Variants in ENTPD6 observed in about 807,000 individuals in gnomAD.
ENTPD6 encodes CD39 antigen-like 2.
A neutral mutation model predicts 61.5 loss-of-function variants in ENTPD6; 46 were observed. The observed-to-expected ratio is 0.75, with a 90% confidence interval of 0.59 to 0.96. ENTPD6 has a LOEUF of 0.96. Ranked by LOEUF, ENTPD6 falls within the 40% of genes least tolerant of loss-of-function variation. The probability of loss-of-function intolerance (pLI) is 0.00; values close to 1 mark genes in which losing one functional copy is unlikely to be tolerated. For synonymous variants in ENTPD6, 252 were observed against 255.5 expected, an observed-to-expected ratio of 0.99 and a Z score of 0.13; for missense variants, 612 against 629.0, an observed-to-expected ratio of 0.97 and a Z score of 0.29.
intron 13 of ENTPD6, 199 bp from the exon 14 acceptor site, chr20:25,225,006 A>T: frequency 1.4e-6 from 1 of 715,256 alleles, no homozygotes; most frequent in East Asian, 2.8e-5. Flanking sequence ...TGGAGCCCAG[A>T]CCCAGTGGCA....
In ENTPD6 at chr20:25,224,054, G is replaced by A. The variant is rs375017696; in HGVS notation, c.1187-47G>A. 2.1e-4 allele frequency: 328 copies of A among 1,582,150 alleles called. 1 individual carries two copies. The Middle Eastern group carries it at 9.3e-3, about 45-fold the overall frequency. On this transcript the variant is annotated intron_variant, in intron 12 of 14. Coordinates refer to ENST00000376652, the MANE Select transcript of ENTPD6 (RefSeq NM_001247.5). Reference sequence around the variant, plus strand: ...GCCAGCCTCACGTCTCAGTGGCATCGCCAACCTCACAGTGCTCCTGCAGAC... The same window carrying A: ...GCCAGCCTCACGTCTCAGTGGCATCACCAACCTCACAGTGCTCCTGCAGAC...
rs1322638271 is a variant in ENTPD6 at position 25,221,311 on chromosome 20, C to T, written c.1023C>T (p.Tyr341=). 13 of 1,614,062 alleles carry T rather than the reference C, an allele frequency of 8.1e-6. No individual in the cohort carries two copies. Among genetic ancestry groups the T allele is most frequent in the South Asian group, 7.7e-5 (7 of 91,084 alleles). The part of the protein sequence containing the change: ...KGEWEHAEVT[Y]RVSGQKAAAS... ...AGTGGGAACACGCAGAAGTCACGTACAGGGTTTCAGGGCAGAAAGCAGGTA... is the reference window on the plus strand; with the variant it reads ...AGTGGGAACACGCAGAAGTCACGTATAGGGTTTCAGGGCAGAAAGCAGGTA... The change falls in exon 11 of 15, where the codon TAC becomes TAT. Residue 341 remains tyrosine, a synonymous_variant. Transcript: ENST00000376652.
intron 11 of ENTPD6, 82 bp downstream of exon 11, chr20:25,221,415 G>T: frequency 9.4e-7 from 1 of 1,058,900 alleles, no homozygotes. Context: ...CACATCCCAT[G>T]GGACGTTCCA....
chr20:25,218,669 A>G, intron 10 of ENTPD6, 55 bp downstream of exon 10: 1 of 1,507,754 alleles, frequency 6.6e-7, no homozygotes, highest in Non-Finnish European at 8.9e-7. Flanking sequence ...CTCCATTCTC[A>G]GTGGGAACGA....
In ENTPD6 at chr20:25,207,300, A is replaced by G; in HGVS notation, c.279A>G (p.Thr93=). The change falls in exon 3 of 15, where the codon ACA becomes ACG. Residue 93 remains threonine (T), a synonymous_variant. Transcript: ENST00000376652. ...AGCAGGCCCACAGCCCCCTGGGGAC[A>G]GCTGCAGACGGGCACGAGGTCTTCT... is the stretch of plus-strand genomic sequence containing the variant. ...WGQQAHSPLG[T]AADGHEVFYG... is the part of the protein sequence containing the mutation. The G allele has an allele frequency of 1.2e-6, 2 of 1,607,576 alleles. No individual in the cohort carries two copies. The highest frequency in any genetic ancestry group is 1.7e-6 in the Non-Finnish European group (2 of 1,175,150).
chr20:25,208,523 A>G (rs1010432262), intron 3 of ENTPD6, among the ~76,000 whole-genome samples: 3 of 152,210 alleles, frequency 2.0e-5, no homozygotes, highest in African/African-American at 4.8e-5. Context: ...TAAGTGTGCA[A>G]CAGACATCAG....
chr20:25,222,676 C>A, intron 11 of ENTPD6, 162 bp from the exon 12 acceptor site: 1 of 868,502 alleles, frequency 1.2e-6, no homozygotes, highest in Non-Finnish European at 1.7e-6. Context: ...TTGACCTGTG[C>A]GGGGAGCAGC....
intron 1 of ENTPD6, among the ~76,000 whole-genome samples, chr20:25,204,951 T>C (rs2091339099): frequency 1.3e-5 from 2 of 152,242 alleles, no homozygotes; most frequent in South Asian, 2.1e-4. Context: ...CTAGTTGTTT[T>C]TAGTGTTTCT....
chr20:25,217,478 A>G (rs772166113), intron 8 of ENTPD6, 24 bp from the exon 9 acceptor site: 5 of 1,609,154 alleles, frequency 3.1e-6, no homozygotes, highest in East Asian at 4.5e-5. Flanking sequence ...AGCAGGAAAC[A>G]TAGTTACCCT....
chr20:25,222,609 C>A, intron 11 of ENTPD6: 1 of 491,054 alleles, frequency 2.0e-6, no homozygotes. Flanking sequence ...CCTTCGTGCC[C>A]ACGGTCTTCA....
chr20:25,217,646 C>A (rs756572647), intron 9 of ENTPD6, 65 bp downstream of exon 9: 3 of 1,397,086 alleles, frequency 2.1e-6, no homozygotes, highest in Non-Finnish European at 2.0e-6. Flanking sequence ...CAGGGCCTCG[C>A]ATGGCCCTCT....
intron 2 of ENTPD6, 141 bp downstream of exon 2, chr20:25,206,731 A>G: frequency 1.4e-6 from 1 of 723,624 alleles, no homozygotes; most frequent in Non-Finnish European, 2.4e-6. Flanking sequence ...GTTTGGGAAC[A>G]CCATTTACAT....
intron 7 of ENTPD6, 81 bp from the exon 8 acceptor site, chr20:25,216,567 G>A: frequency 1.0e-6 from 1 of 979,240 alleles, no homozygotes; most frequent in Non-Finnish European, 1.6e-6. Flanking sequence ...TCCCCTGAGG[G>A]CCTGGCTTTC....
chr20:25,215,543 C>T (rs1326794691), intron 6 of ENTPD6, 133 bp from the exon 7 acceptor site: 1 of 850,916 alleles, frequency 1.2e-6, no homozygotes, highest in Non-Finnish European at 2.0e-6. Context: ...TGCCGATGAT[C>T]TGAAGGCTGG....
In ENTPD6 at chr20:25,195,872, G is replaced by A; in HGVS notation, c.-16+5G>A. 1 of 1,235,748 alleles carries A rather than the reference G, an allele frequency of 8.1e-7. No individual in the cohort carries two copies. The highest frequency in any genetic ancestry group is 1.0e-6 in the Non-Finnish European group (1 of 987,676). 76.5% of individuals were successfully genotyped at this position (1,235,748 alleles called of 1,614,324 possible). On this transcript the variant is annotated splice_donor_5th_base_variant and intron_variant, in intron 1 of 14. Coordinates refer to ENST00000376652, the MANE Select transcript of ENTPD6 (RefSeq NM_001247.5). ...TGGCGGAGCGCGCGGTGCATGGTAAGCGGCGGGCCGGGGCGCTGGCGGGGG... is the reference window on the plus strand; with the variant it reads ...TGGCGGAGCGCGCGGTGCATGGTAAACGGCGGGCCGGGGCGCTGGCGGGGG...
intron 4 of ENTPD6, among the ~76,000 whole-genome samples, chr20:25,212,705 T>A (rs1181188162): frequency 6.6e-6 from 1 of 151,894 alleles, no homozygotes; most frequent in Non-Finnish European, 1.5e-5. Context: ...AGTTTTTTTT[T>A]GTTTTGATTT....
At position 25,226,258 on chromosome 20, in the gene ENTPD6, T is replaced by C. The variant is rs6037064; in HGVS notation, c.*661T>C. On this transcript the variant is annotated 3_prime_UTR_variant, in exon 15 of 15. Transcript: ENST00000376652. ...TCCTCATAGACGGCAGGTGCCCACC[T>C]TTCAGGGAGTCTCCCAGCATGGGCG... is the stretch of plus-strand genomic sequence containing the variant. The C allele has an allele frequency of 0.072, 11,057 of 152,806 alleles. 1,257 individuals are homozygous for C. The highest frequency in any genetic ancestry group is 0.24 in the African/African-American group (10,151 of 41,546). 9.5% of individuals were successfully genotyped at this position (152,806 alleles called of 1,614,324 possible).
At position 25,226,951 on chromosome 20, in the gene ENTPD6, G is replaced by T. The variant is rs897706894; in HGVS notation, c.*1354G>T. ...GTCTGTTGAGCACAGCTCCTCCTGTGCCAGGCCAGCAGCCCACAGCACGGC... is the reference window on the plus strand; with the variant it reads ...GTCTGTTGAGCACAGCTCCTCCTGTTCCAGGCCAGCAGCCCACAGCACGGC... On this transcript the variant is annotated 3_prime_UTR_variant, in exon 15 of 15. Coordinates refer to ENST00000376652, the MANE Select transcript of ENTPD6 (RefSeq NM_001247.5). 6.6e-6 allele frequency among the ~76,000 whole-genome samples: 1 copy of T among 152,268 alleles called. No individual in the cohort carries two copies. Among genetic ancestry groups the T allele is most frequent in the Non-Finnish European group, 1.5e-5 (1 of 68,044 alleles).
intron 3 of ENTPD6, 111 bp downstream of exon 3, chr20:25,207,508 G>A (rs2091606657): frequency 8.0e-6 from 8 of 1,004,492 alleles, no homozygotes; most frequent in Non-Finnish European, 1.1e-5. Flanking sequence ...CAGTTTCCCA[G>A]AGATGCTGAC....
Sources: allele counts gnomAD v4.1 joint callset (sites outside exome capture counted in the v4.1 genomes callset), GRCh38; gene constraint gnomAD v4.1.1; transcripts MANE v1.5; gene names NCBI Gene and HGNC (gene_info 2026-07-23, HGNC 2026-07-21).